AGBL1: variants seen among roughly 807,000 people sequenced by gnomAD.
AGBL1 encodes cytosolic carboxypeptidase 4.
A neutral mutation model predicts 118.9 loss-of-function variants in AGBL1; 130 were observed. The observed-to-expected ratio is 1.09, with a 90% CI of 0.95 to 1.26. AGBL1 has a LOEUF of 1.26. Ranked by LOEUF, AGBL1 falls within the 50% of genes most tolerant of loss-of-function variation. The pLI is 0.00. For synonymous variants in AGBL1, 555 were observed against 478.9 expected, an observed-to-expected ratio of 1.16 and a Z score of -2.08; for missense variants, 1,584 against 1,298.1, an observed-to-expected ratio of 1.22 and a Z score of -3.38.
At chr15:86,341,044 G>T (rs1373858940) in intron 17 of AGBL1, among the ~76,000 whole-genome samples, 2 of 152,172 alleles carry the variant, frequency 1.3e-5, no homozygotes, top group East Asian at 3.9e-4. Flanking sequence ...ATTACTGCTG[G>T]GGTAGGACGT....
intron 21 of AGBL1, among the ~76,000 whole-genome samples, chr15:86,631,287 G>A (rs2084959992): frequency 6.6e-6 from 1 of 151,288 alleles, no homozygotes; most frequent in South Asian, 2.1e-4. Flanking sequence ...GGAGGAAGTA[G>A]GGGGAGACGT....
At chr15:86,745,700 G>A (rs1347897774) in intron 22 of AGBL1, among the ~76,000 whole-genome samples, 1 of 152,090 alleles carries the variant, frequency 6.6e-6, no homozygotes, top group African/African-American at 2.4e-5. Context: ...GATTGTCCAA[G>A]GCTGAGCCGA....
intron 18 of AGBL1, among the ~76,000 whole-genome samples, chr15:86,444,157 T>C (rs1338013274): frequency 6.6e-6 from 1 of 152,192 alleles, no homozygotes; most frequent in Non-Finnish European, 1.5e-5. Flanking sequence ...CTAACTGGGG[T>C]AAGATGATAT....
chr15:86,787,831 C>T (rs2078436515), intron 22 of AGBL1, among the ~76,000 whole-genome samples: 1 of 152,084 alleles, frequency 6.6e-6, no homozygotes, highest in African/African-American at 2.4e-5. Context: ...GTTTCTTCTT[C>T]CAAGAATGTT....
intron 18 of AGBL1, among the ~76,000 whole-genome samples, chr15:86,471,520 C>G (rs1444528336): frequency 6.9e-6 from 1 of 144,250 alleles, no homozygotes; most frequent in African/African-American, 2.6e-5. Flanking sequence ...TTTTTTATAG[C>G]TTCCTCATCT....
At chr15:86,257,776 A>G (rs1173537117) in intron 8 of AGBL1, among the ~76,000 whole-genome samples, 188 bp from the exon 9 acceptor site, 1 of 152,240 alleles carries the variant, frequency 6.6e-6, no homozygotes, top group Non-Finnish European at 1.5e-5. Flanking sequence ...TAGTGCCCCG[A>G]CATGCCTACA....
At chr15:86,691,788 A>G (rs774438031) in intron 22 of AGBL1, among the ~76,000 whole-genome samples, 3 of 152,178 alleles carry the variant, frequency 2.0e-5, no homozygotes, top group Non-Finnish European at 2.9e-5. Context: ...TTGCTAATCC[A>G]TAATAAATGG....
intron 22 of AGBL1, among the ~76,000 whole-genome samples, chr15:86,720,650 A>G (rs1003384670): frequency 6.6e-6 from 1 of 152,200 alleles, no homozygotes; most frequent in Admixed American, 6.5e-5. Context: ...AGTATGATAG[A>G]AAGAATGCGA....
chr15:86,276,870 T>C (rs1239387381), intron 15 of AGBL1, among the ~76,000 whole-genome samples: 5 of 152,234 alleles, frequency 3.3e-5, no homozygotes, highest in Admixed American at 1.3e-4. Flanking sequence ...TTATCATGGA[T>C]GAACTGAACT....
At chr15:86,134,937 A>C (rs1332476920) in intron 1 of AGBL1, among the ~76,000 whole-genome samples, 1 of 150,624 alleles carries the variant, frequency 6.6e-6, no homozygotes, top group South Asian at 2.1e-4. Context: ...TTTTTTTAAC[A>C]GTGTTTGACT....
At chr15:86,630,135 A>C (rs1283466136) in intron 21 of AGBL1, 1 of 152,230 alleles carries the variant, frequency 6.6e-6, no homozygotes, top group African/African-American at 2.4e-5. Flanking sequence ...TCATAGGGTG[A>C]GGCAAAGTGG....
intron 22 of AGBL1, among the ~76,000 whole-genome samples, chr15:86,830,947 G>A (rs2079096519): frequency 6.6e-6 from 1 of 152,130 alleles, no homozygotes; most frequent in Non-Finnish European, 1.5e-5. Flanking sequence ...AATATATAAA[G>A]GAAAGAGGTT....
intron 18 of AGBL1, among the ~76,000 whole-genome samples, chr15:86,453,908 T>C (rs1477233683): frequency 1.3e-5 from 2 of 152,244 alleles, no homozygotes; most frequent in African/African-American, 4.8e-5. Context: ...TTAAAAGAAT[T>C]CTGTAAATTT....
intron 18 of AGBL1, among the ~76,000 whole-genome samples, chr15:86,410,838 A>AT (rs1396403720): frequency 2.0e-5 from 2 of 102,492 alleles, no homozygotes; most frequent in African/African-American, 8.8e-5. Context: ...ATATATATAT[A>AT]TATAATATAC....
At chr15:86,154,371 A>G in intron 3 of AGBL1, 59 bp from the exon 4 acceptor site, 1 of 1,571,380 alleles carries the variant, frequency 6.4e-7, no homozygotes, top group African/African-American at 1.3e-5. Flanking sequence ...CACTGTACTC[A>G]TTGTACAATC....
chr15:86,899,404 G>T (rs56080065), intron 22 of AGBL1, among the ~76,000 whole-genome samples: 1,712 of 152,192 alleles, frequency 0.011, 36 homozygotes, highest in African/African-American at 0.039. Context: ...GGGGAGGAGG[G>T]AGAGGAGCAG....
chr15:86,365,008 T>TGTATATATAC (rs2080865031), intron 17 of AGBL1, among the ~76,000 whole-genome samples: 2 of 116,842 alleles, frequency 1.7e-5, no homozygotes, highest in Admixed American at 8.7e-5. Context: ...CATATATATA[T>TGTATATATAC]ACACACACAT....
chr15:86,529,735 G>A (rs1413662870), intron 19 of AGBL1, among the ~76,000 whole-genome samples: 15 of 150,238 alleles, frequency 1.0e-4, no homozygotes, highest in South Asian at 2.1e-4. Flanking sequence ...TCAAAGGGAA[G>A]CCCATCAGAC....
chr15:86,274,058 A>T (rs1011816989), intron 15 of AGBL1, among the ~76,000 whole-genome samples: 2 of 152,226 alleles, frequency 1.3e-5, no homozygotes, highest in Non-Finnish European at 2.9e-5. Context: ...TTATACATTT[A>T]AAAAAGTGTA....
Sources: allele counts gnomAD v4.1 joint callset (sites outside exome capture counted in the v4.1 genomes callset), GRCh38; gene constraint gnomAD v4.1.1; transcripts MANE v1.5; gene names NCBI Gene and HGNC (gene_info 2026-07-23, HGNC 2026-07-21).